The following CACNA1D variants were observed in gnomAD, a reference collection of about 807,000 sequenced individuals.
CACNA1D encodes calcium voltage-gated channel subunit alpha1 D, also known as voltage-dependent L-type calcium channel subunit alpha-1D.
In CACNA1D, 55 loss-of-function variants were observed where a neutral mutation model predicts 257.1. That is an observed-to-expected ratio of 0.21 (90% CI 0.17 to 0.27). The LOEUF (loss-of-function observed/expected upper bound fraction) is 0.27, where lower values mean the gene tolerates loss of function less well. Among genes scored for constraint, CACNA1D ranks in the 10% least tolerant of loss-of-function variants. The pLI, the probability that CACNA1D is intolerant of heterozygous loss-of-function variation, is 1.00. For synonymous variants in CACNA1D, 980 were observed against 1,014.9 expected (o/e 0.97, Z 0.65); for missense variants, 1,876 against 2,784.0 (o/e 0.67, Z 7.34).
chr3:53,801,173 C>T lies in CACNA1D; in HGVS notation c.5156C>T (p.Pro1719Leu), dbSNP rs2095534084. 6.2e-7 allele frequency: 1 copy of T among 1,613,736 alleles called. No homozygotes were observed. The highest frequency in any genetic ancestry group is 1.1e-5 in the South Asian group (1 of 91,078). ...CTGCATGTCCAAAGGCCTTCAATTC[C>T]ACCTGCAAGTGATACTGAGAAACCG... ...RPLHVQRPSI[P>L]PASDTEKPLF... Residue 1719 changes from proline (P) to leucine (L), a missense_variant, in exon 42 of 48, where the codon CCA (proline) becomes CTA (leucine). Pro to Leu is a moderately conservative substitution (Grantham distance 98, BLOSUM62 -3). Coordinates refer to ENST00000350061, the MANE Select transcript of CACNA1D (RefSeq NM_001128840.3).
At chr3:53,518,622 A>G (rs2091437748) in intron 3 of CACNA1D, among the ~76,000 whole-genome samples, 1 of 152,158 alleles carries the variant, frequency 6.6e-6, no homozygotes, top group South Asian at 2.1e-4. Flanking sequence ...CTTCAGAGCC[A>G]GTTTCTGCTT....
chr3:53,593,350 T>C (rs1044211307), intron 3 of CACNA1D, among the ~76,000 whole-genome samples: 2 of 152,192 alleles, frequency 1.3e-5, no homozygotes, highest in Non-Finnish European at 2.9e-5. Context: ...TGTTTCTGAG[T>C]TTCTTGAGTT....
At chr3:53,753,358 C>G (rs913633712) in intron 28 of CACNA1D, among the ~76,000 whole-genome samples, 2 of 152,138 alleles carry the variant, frequency 1.3e-5, no homozygotes, top group Non-Finnish European at 2.9e-5. Flanking sequence ...ATGTTTTCCC[C>G]CTTCATCATT....
Position 53,786,716 on chromosome 3 carries a change from C to T in CACNA1D, c.4793-106C>T, listed in dbSNP as rs536951652. 3.1e-4 allele frequency: 169 copies of T among 540,774 alleles called. 4 individuals are homozygous for T. Among genetic ancestry groups the T allele is most frequent in the South Asian group, 2.5e-3 (164 of 66,668 alleles). 33.5% of individuals were successfully genotyped at this position (540,774 alleles called of 1,614,324 possible). ...TCGGTGCCTTCTGCGCCGGACCGCC[C>T]ACCCGCCCCACTCTGCCCCTGCCCC... On this transcript the variant is annotated intron_variant, in intron 39 of 47. Coordinates refer to ENST00000350061, the MANE Select transcript of CACNA1D (RefSeq NM_001128840.3).
At chr3:53,732,445 A>G (rs1316531220) in intron 18 of CACNA1D, among the ~76,000 whole-genome samples, 3 of 152,166 alleles carry the variant, frequency 2.0e-5, no homozygotes, top group Non-Finnish European at 4.4e-5. Context: ...GCTGATTGAG[A>G]CTGAAAGTCC....
At chr3:53,575,798 A>G (rs2093027808) in intron 3 of CACNA1D, among the ~76,000 whole-genome samples, 1 of 152,186 alleles carries the variant, frequency 6.6e-6, no homozygotes, top group Non-Finnish European at 1.5e-5. Flanking sequence ...AAGGTATTAG[A>G]CACCTGTAGT....
At chr3:53,573,956 G>A (rs1010801652) in intron 3 of CACNA1D, among the ~76,000 whole-genome samples, 8 of 152,180 alleles carry the variant, frequency 5.3e-5, no homozygotes, top group African/African-American at 1.7e-4. Flanking sequence ...TGAAGGAGTC[G>A]AGGAATAAGC....
chr3:53,578,884 C>T (rs1481285189), intron 3 of CACNA1D, among the ~76,000 whole-genome samples: 2 of 152,156 alleles, frequency 1.3e-5, no homozygotes, highest in Non-Finnish European at 2.9e-5. Context: ...GGATGATGTA[C>T]TTTAGAACAG....
intron 3 of CACNA1D, among the ~76,000 whole-genome samples, chr3:53,547,290 G>C (rs1164868671): frequency 1.3e-5 from 2 of 152,180 alleles, no homozygotes; most frequent in Non-Finnish European, 2.9e-5. Context: ...TATTATGAGA[G>C]CAGCTGTAAG....
intron 3 of CACNA1D, among the ~76,000 whole-genome samples, chr3:53,646,834 A>G (rs1042960192): frequency 1.3e-5 from 2 of 152,226 alleles, no homozygotes; most frequent in African/African-American, 4.8e-5. Context: ...AGACAGATGG[A>G]CAAGTATTCA....
intron 4 of CACNA1D, among the ~76,000 whole-genome samples, chr3:53,657,006 C>T (rs1247171571): frequency 1.3e-5 from 2 of 152,132 alleles, no homozygotes; most frequent in Non-Finnish European, 2.9e-5. Context: ...CCATTTCTTA[C>T]AGTGTTAAAC....
intron 4 of CACNA1D, among the ~76,000 whole-genome samples, chr3:53,654,645 A>G (rs1338509893): frequency 1.3e-5 from 2 of 152,178 alleles, no homozygotes; most frequent in African/African-American, 4.8e-5. Flanking sequence ...ATAAAGCTTC[A>G]TTGTAATTCA....
At chr3:53,667,883 T>G (rs1027381831) in intron 7 of CACNA1D, among the ~76,000 whole-genome samples, 2 of 151,996 alleles carry the variant, frequency 1.3e-5, no homozygotes, top group Non-Finnish European at 2.9e-5. Flanking sequence ...TTTATATTCA[T>G]AAAACGTCTT....
intron 5 of CACNA1D, among the ~76,000 whole-genome samples, chr3:53,662,524 C>G (rs767815452): frequency 2.4e-4 from 37 of 152,206 alleles, no homozygotes; most frequent in Non-Finnish European, 1.2e-4. Flanking sequence ...TAAAGATCAT[C>G]TGGTCTACCT....
intron 20 of CACNA1D, 61 bp from the exon 21 acceptor site, chr3:53,740,219 C>T (rs898162599): frequency 7.1e-5 from 83 of 1,164,880 alleles, no homozygotes; most frequent in Non-Finnish European, 1.0e-4. Context: ...TGCCTGTAAG[C>T]ATGCAGATGT....
In CACNA1D at chr3:53,495,780, C is replaced by T. The variant is rs1487194359; in HGVS notation, c.67+547C>T. On this transcript the variant is annotated intron_variant, in intron 1 of 47. Transcript: ENST00000350061. The surrounding 1 kb of genome is among the most constrained non-coding windows in gnomAD (Gnocchi z 5.1). ...ATCGGGGAAAGGGGTTCGGGTGGAG[C>T]GTGCGTTCCCGCTCCCGTCGCCGGC... Among the ~76,000 whole-genome samples the T allele has an allele frequency of 6.6e-6, 1 of 152,234 alleles. No individual in the cohort carries two copies. The highest frequency in any genetic ancestry group is 1.9e-4 in the East Asian group (1 of 5,186).
intron 3 of CACNA1D, among the ~76,000 whole-genome samples, chr3:53,637,494 AG>A (rs2093898181): frequency 6.6e-6 from 1 of 152,176 alleles, no homozygotes; most frequent in Non-Finnish European, 1.5e-5. Flanking sequence ...TACTTTCAAA[AG>A]AAGAGTAGAG....
intron 4 of CACNA1D, among the ~76,000 whole-genome samples, chr3:53,654,132 G>A (rs1283227994): frequency 1.3e-5 from 2 of 152,024 alleles, no homozygotes; most frequent in African/African-American, 4.8e-5. Context: ...TAATAGACCT[G>A]TACCTCAATC....
At chr3:53,509,215 G>T (rs2091000981) in intron 3 of CACNA1D, among the ~76,000 whole-genome samples, 1 of 127,424 alleles carries the variant, frequency 7.8e-6, no homozygotes, top group South Asian at 2.1e-4. Context: ...GGAAGAAACA[G>T]AATAGCTGAA....
Sources: gnomAD v4.1 joint callset for allele counts (sites outside exome capture counted in the v4.1 genomes callset) on GRCh38, gnomAD v4.1.1 for gene constraint, Gnocchi (gnomAD v3.1) non-coding constraint, MANE v1.5 for transcripts, NCBI Gene and HGNC (gene_info 2026-07-23, HGNC 2026-07-21) for gene names.